PPP2R5D: variants seen among roughly 807,000 people sequenced by gnomAD.
PPP2R5D encodes protein phosphatase 2 regulatory subunit B'delta.
A neutral mutation model predicts 79.1 loss-of-function variants in PPP2R5D; 12 were observed. That is an observed-to-expected ratio of 0.15 (90% CI 0.10 to 0.25). The LOEUF is 0.25. Among genes scored for constraint, PPP2R5D ranks in the 10% least tolerant of loss-of-function variants. PPP2R5D has a pLI of 1.00. For missense variants in PPP2R5D, 419 were observed against 760.2 expected, an observed-to-expected ratio of 0.55 and a Z score of 5.28; for synonymous variants, 277 against 286.6, an observed-to-expected ratio of 0.97 and a Z score of 0.34.
chr6:43,000,709 A>G (rs1772120707), intron 2 of PPP2R5D, among the ~76,000 whole-genome samples: 2 of 152,122 alleles, frequency 1.3e-5, no homozygotes, highest in African/African-American at 2.4e-5. Flanking sequence ...CCCTCACCCT[A>G]GTATCACTGA....
intron 2 of PPP2R5D, among the ~76,000 whole-genome samples, chr6:42,993,578 G>A (rs997734304): frequency 2.0e-5 from 3 of 152,236 alleles, no homozygotes; most frequent in African/African-American, 4.8e-5. Context: ...AGGTTCTAAG[G>A]AAGAATCTGT....
chr6:43,000,236 C>CTTTTTTTTTTT (rs1204045076), intron 2 of PPP2R5D, among the ~76,000 whole-genome samples: 19 of 106,012 alleles, frequency 1.8e-4, no homozygotes, highest in East Asian at 8.1e-4. Context: ...GTCTGGCCAC[C>CTTTTTTTTTTT]TTTTTTTTTT....
intron 2 of PPP2R5D, among the ~76,000 whole-genome samples, chr6:43,002,266 A>G (rs1454125420): frequency 6.6e-6 from 1 of 151,346 alleles, no homozygotes. Flanking sequence ...CGAGTTCAAG[A>G]GATTCTCCTG....
chr6:43,007,356 T>C lies in PPP2R5D; in HGVS notation c.633+50T>C. 6.2e-7 allele frequency: 1 copy of C among 1,606,300 alleles called. No individual in the cohort carries two copies. ...GCCGTGGCTGCAGGGAGTGGGGCACTTGGAGGCCTGCAAGTCCTTGGGAAC... is the reference window on the plus strand; with the variant it reads ...GCCGTGGCTGCAGGGAGTGGGGCACCTGGAGGCCTGCAAGTCCTTGGGAAC... On this transcript the variant is annotated intron_variant, in intron 5 of 15. Transcript: ENST00000485511. The surrounding 1 kb of genome is among the most constrained non-coding windows in gnomAD (Gnocchi z 4.5).
intron 2 of PPP2R5D, among the ~76,000 whole-genome samples, chr6:43,004,822 C>T (rs1177498355): frequency 6.7e-6 from 1 of 150,102 alleles, no homozygotes; most frequent in Admixed American, 6.7e-5. Context: ...ATGGCGCAAT[C>T]TTGGCTCACT....
At position 42,984,573 on chromosome 6, in the gene PPP2R5D, G is replaced by T; in HGVS notation, c.-105G>T. 6.9e-7 allele frequency: 1 copy of T among 1,454,346 alleles called. No homozygotes were observed. Among genetic ancestry groups the T allele is most frequent in the Non-Finnish European group, 9.0e-7 (1 of 1,106,574 alleles). 90.1% of individuals were successfully genotyped at this position (1,454,346 alleles called of 1,614,324 possible). ...GCAGGCACCGCTCGACCCGGGCGCA[G>T]CGCGCAGGCGGTGGCGAAGAGACGC... On this transcript the variant is annotated 5_prime_UTR_variant, in exon 1 of 16. Coordinates refer to ENST00000485511, the MANE Select transcript of PPP2R5D (RefSeq NM_006245.4).
At chr6:42,988,152 GAGCT>G (rs1424934257) in intron 1 of PPP2R5D, among the ~76,000 whole-genome samples, 1 of 152,090 alleles carries the variant, frequency 6.6e-6, no homozygotes, top group Non-Finnish European at 1.5e-5. Flanking sequence ...AGCCCACACA[GAGCT>G]CTCTTCTCCC....
chr6:43,011,658 C>G lies in PPP2R5D; in HGVS notation c.*372C>G. On this transcript the variant is annotated 3_prime_UTR_variant, in exon 16 of 16. Coordinates refer to ENST00000485511, the MANE Select transcript of PPP2R5D (RefSeq NM_006245.4). ...ATCCTCATTTGAACGCCAGGTATCT[C>G]CCCTCCTCTCTCTCCCCTGCAGAGG... 1 of 247,444 alleles carries G rather than the reference C, an allele frequency of 4.0e-6. No individual in the cohort carries two copies. 15.3% of individuals were successfully genotyped at this position (247,444 alleles called of 1,614,324 possible). A position where few individuals can be genotyped will look rare whatever the true frequency, so the allele number is the denominator to read the frequency against.
chr6:42,997,737 G>T (rs1018032557), intron 2 of PPP2R5D, among the ~76,000 whole-genome samples: 3 of 150,260 alleles, frequency 2.0e-5, no homozygotes, highest in African/African-American at 4.9e-5. Context: ...GTAGAGACAG[G>T]GTTTCACCAT....
At chr6:42,995,128 T>G (rs1771560766) in intron 2 of PPP2R5D, among the ~76,000 whole-genome samples, 1 of 127,898 alleles carries the variant, frequency 7.8e-6, no homozygotes, top group South Asian at 2.3e-4. Context: ...TTTTCTTTCT[T>G]TTTTTTTTTT....
intron 2 of PPP2R5D, among the ~76,000 whole-genome samples, chr6:43,004,833 G>A (rs1481487851): frequency 6.7e-6 from 1 of 149,504 alleles, no homozygotes; most frequent in Admixed American, 6.7e-5. Context: ...TTGGCTCACT[G>A]CAACCTCCTG....
In PPP2R5D at chr6:43,010,765, T is replaced by C; in HGVS notation, c.1554+29T>C. 3 of 1,612,300 alleles carry C rather than the reference T, an allele frequency of 1.9e-6. No homozygotes were observed. In the South Asian group the frequency reaches 3.3e-5, roughly 18 times the overall value. The stretch of plus-strand genomic sequence containing the variant: ...AGGTTTTCCTGCCACTGTTGTGAAC[T>C]GAGGGGCCAGCCCATCTTGAGCTGG... On this transcript the variant is annotated intron_variant, in intron 14 of 15. Transcript: ENST00000485511. The surrounding 1 kb of genome is among the most constrained non-coding windows in gnomAD (Gnocchi z 4.7).
At chr6:43,003,993 C>T (rs146285838) in intron 2 of PPP2R5D, among the ~76,000 whole-genome samples, 1,521 of 151,948 alleles carry the variant, frequency 0.01, 25 homozygotes, top group African/African-American at 0.035. Context: ...GTTGGGATTA[C>T]AGGCGTGAGC....
rs374578841 is a variant in PPP2R5D, at chr6:43,006,901, G to A, written c.323-10G>A. 1 of 1,613,456 alleles carries A rather than the reference G, an allele frequency of 6.2e-7. No individual in the cohort carries two copies. The highest frequency in any genetic ancestry group is 1.1e-5 in the South Asian group (1 of 91,052). On this transcript the variant is annotated splice_polypyrimidine_tract_variant and intron_variant, in intron 3 of 15. Coordinates refer to ENST00000485511, the MANE Select transcript of PPP2R5D (RefSeq NM_006245.4). This position sits in a 1 kb window ranked among gnomAD's most constrained non-coding sequence, Gnocchi z 4.7. ...TACAGAGGAGAACCTGACTGCTGGG[G>A]CCCCCACAGATTCGCCAACCCAGGA...
chr6:43,002,006 A>T lies in PPP2R5D; in HGVS notation c.106-4457A>T, dbSNP rs1405022143. ...TATCCTTACGATAGTGCTATAAGGT[A>T]GGTATGGTTGTCATCCCATTTTGTA... On this transcript the variant is annotated intron_variant, in intron 2 of 15. Coordinates refer to ENST00000485511, the MANE Select transcript of PPP2R5D (RefSeq NM_006245.4). Among the ~76,000 whole-genome samples the T allele has an allele frequency of 1.2e-4, 18 of 151,738 alleles. 1 individual carries two copies. Among genetic ancestry groups the T allele is most frequent in the Admixed American group, 1.2e-3 (18 of 15,236 alleles).
chr6:43,006,699 AG>A lies in PPP2R5D; in HGVS notation c.322+24del, dbSNP rs1212775690. The A allele has an allele frequency of 1.9e-6, 3 of 1,610,474 alleles. No homozygotes were observed. The South Asian group carries it at 3.3e-5, about 18-fold the overall frequency. The stretch of plus-strand genomic sequence containing the variant: ...TGAAAGGTACTTGGCAATTGGTCAC[AG>A]GGGCTGTTTTACCAGTTCTAGTGGG... On this transcript the variant is annotated intron_variant, in intron 3 of 15. Coordinates refer to ENST00000485511, the MANE Select transcript of PPP2R5D (RefSeq NM_006245.4). This position sits in a 1 kb window ranked among gnomAD's most constrained non-coding sequence, Gnocchi z 4.7.
rs2150279046 is a variant in PPP2R5D, at chr6:43,007,478, A to C, written c.698A>C (p.Lys233Thr). The C allele has an allele frequency of 6.2e-7, 1 of 1,613,336 alleles. No homozygotes were observed. The highest frequency in any genetic ancestry group is 1.7e-4 in the Middle Eastern group (1 of 6,058). ...GATTTCCAGCCAAACATAGCCAAGA[A>C]GTACATCGACCAGAAGTTTGTACTT... Reference protein sequence around the residue: ...SPDFQPNIAKKYIDQKFVLAL... With the variant: ...SPDFQPNIAKTYIDQKFVLAL... The change falls in exon 6 of 16, where the codon AAG becomes ACG. Residue 233 changes from lysine to threonine, a missense_variant. By Grantham distance (78) the Lys-to-Thr change is moderately conservative. Transcript: ENST00000485511. This position sits in a 1 kb window ranked among gnomAD's most constrained non-coding sequence, Gnocchi z 4.5.
rs749745639 is a variant in PPP2R5D at position 43,007,795 on chromosome 6, T to C, written c.727-140T>C. On this transcript the variant is annotated intron_variant, in intron 6 of 15. Transcript: ENST00000485511. This position sits in a 1 kb window ranked among gnomAD's most constrained non-coding sequence, Gnocchi z 4.5. ...AAATACAATAGAATCAGCAATATAATAGAATCACTGCTTTCTAAGACTTGC... is the reference window on the plus strand; with the variant it reads ...AAATACAATAGAATCAGCAATATAACAGAATCACTGCTTTCTAAGACTTGC... 1.0e-4 allele frequency: 114 copies of C among 1,100,096 alleles called. No homozygotes were observed. Among genetic ancestry groups the C allele is most frequent in the Non-Finnish European group, 1.4e-4 (107 of 749,882 alleles). The allele number at this position is 1,100,096 out of a possible 1,614,324, so 68.1% of individuals were successfully genotyped here. A position where few individuals can be genotyped will look rare whatever the true frequency, so the allele number is the denominator to read the frequency against.
intron 2 of PPP2R5D, among the ~76,000 whole-genome samples, chr6:43,000,177 A>G (rs942204921): frequency 6.2e-5 from 9 of 145,702 alleles, no homozygotes; most frequent in Non-Finnish European, 1.2e-4. Context: ...CTCCTGATCT[A>G]GCCACCTTGG....
Sources: allele counts gnomAD v4.1 joint callset (sites outside exome capture counted in the v4.1 genomes callset), GRCh38; gene constraint gnomAD v4.1.1; non-coding constraint Gnocchi (gnomAD v3.1); transcripts MANE v1.5; gene names NCBI Gene and HGNC (gene_info 2026-07-23, HGNC 2026-07-21).